The following RSF1 variants were observed in gnomAD, a reference collection of about 807,000 sequenced individuals.
RSF1 encodes the protein HBV pX-associated protein 8.
RSF1 carries 13 observed loss-of-function variants against 145.2 expected under a neutral mutation model. The ratio of observed to expected loss-of-function variants is 0.09; its 90% CI spans 0.06 to 0.14. The LOEUF (loss-of-function observed/expected upper bound fraction) is 0.14, where lower values mean the gene tolerates loss of function less well. RSF1 is among the 10% of genes least tolerant of loss of function. The pLI, the probability that RSF1 is intolerant of heterozygous loss-of-function variation, is 1.00. For synonymous variants in RSF1, 577 were observed against 592.6 expected (o/e 0.97, Z 0.38); for missense variants, 1,517 against 1,718.2 (o/e 0.88, Z 2.07).
At chr11:77,670,989 C>T in intron 15 of RSF1, among the ~76,000 whole-genome samples, 1 of 148,988 alleles carries the variant, frequency 6.7e-6, no homozygotes, top group African/African-American at 2.5e-5. Context: ...TGCCTAAAAT[C>T]CTAGCTATTG....
chr11:77,823,296 GT>G (rs1949016299), upstream of RSF1, among the ~76,000 whole-genome samples: 1 of 150,390 alleles, frequency 6.6e-6, no homozygotes, highest in South Asian at 2.1e-4. Flanking sequence ...TGCCAAAGAA[GT>G]TTTAATTTAA....
rs1960429123 is a variant in RSF1 at position 77,701,724 on chromosome 11, A to G, written c.1505T>C (p.Leu502Pro). Residue 502 changes from leucine to proline, a missense_variant, in exon 6 of 16, where the codon CTT (leucine) becomes CCT (proline). Physicochemically the swap from Leu to Pro is moderately conservative, Grantham distance 98. Coordinates refer to ENST00000308488, the MANE Select transcript of RSF1 (RefSeq NM_016578.4). ...CCTCAAAGGGGCTGTTTCTTTCTCA[A>G]GCTCACCTGTTTTCATACTTGTTAT... is the stretch of plus-strand genomic sequence containing the variant. The part of the protein sequence containing the change: ...SVITSMKTGE[L>P]EKETAPLRKD... 2 of 1,613,576 alleles carry G rather than the reference A, an allele frequency of 1.2e-6. No homozygotes were observed. Among genetic ancestry groups the G allele is most frequent in the Non-Finnish European group, 1.7e-6 (2 of 1,179,954 alleles).
intron 15 of RSF1, 56 bp downstream of exon 15, chr11:77,671,986 T>C: frequency 1.4e-6 from 2 of 1,422,952 alleles, no homozygotes; most frequent in Non-Finnish European, 1.9e-6. Flanking sequence ...GAGTTCACTT[T>C]ATAATGTCTA....
chr11:77,844,291 T>A, the RSF1 span, among the ~76,000 whole-genome samples: 3 of 152,180 alleles, frequency 2.0e-5, no homozygotes, highest in African/African-American at 7.2e-5. Flanking sequence ...GATTAGAGTT[T>A]CAATATATAC....
At chr11:77,844,722 C>G in the RSF1 span, among the ~76,000 whole-genome samples, 2 of 152,008 alleles carry the variant, frequency 1.3e-5, no homozygotes, top group Non-Finnish European at 2.9e-5. Flanking sequence ...TTTCCAGAGG[C>G]TTTAGGGATT....
rs528804251 is a variant in RSF1, at chr11:77,661,165, T to C, written c.*5752A>G. ...TAGTTTTTTCCTTCTTTTATATGAA[T>C]AGATTAAAATCAAGCCCTGCTCTAC... On this transcript the variant is annotated 3_prime_UTR_variant, in exon 16 of 16. Coordinates refer to ENST00000308488, the MANE Select transcript of RSF1 (RefSeq NM_016578.4). 12 of 152,260 alleles carry C rather than the reference T, an allele frequency of 7.9e-5. No homozygotes were observed. Among genetic ancestry groups the C allele is most frequent in the African/African-American group, 1.4e-4 (6 of 41,566 alleles). 9.4% of individuals were successfully genotyped at this position (152,260 alleles called of 1,614,324 possible).
chr11:77,775,940 T>C (rs76928285), intron 1 of RSF1, among the ~76,000 whole-genome samples: 4,297 of 152,270 alleles, frequency 0.028, 192 homozygotes, highest in African/African-American at 0.098. Context: ...GCTTGACTAA[T>C]TTTTAAATTT....
At chr11:77,794,598 G>C (rs563435485) in intron 1 of RSF1, among the ~76,000 whole-genome samples, 1 of 151,320 alleles carries the variant, frequency 6.6e-6, no homozygotes, top group African/African-American at 2.4e-5. Context: ...ACAACCACCG[G>C]GTCAATGAAG....
intron 1 of RSF1, among the ~76,000 whole-genome samples, chr11:77,797,884 T>C (rs1046706717): frequency 7.2e-5 from 11 of 152,196 alleles, no homozygotes; most frequent in Non-Finnish European, 1.0e-4. Flanking sequence ...AAGACATTTA[T>C]GCAGCCACAG....
chr11:77,865,435 T>C, the RSF1 span, among the ~76,000 whole-genome samples: 2 of 152,222 alleles, frequency 1.3e-5, no homozygotes, highest in African/African-American at 4.8e-5. Context: ...GTTGTAGGCA[T>C]GGCAGGGCTC....
chr11:77,757,606 A>G (rs570774912), intron 2 of RSF1, among the ~76,000 whole-genome samples: 4 of 152,324 alleles, frequency 2.6e-5, no homozygotes, highest in Admixed American at 6.5e-5. Flanking sequence ...TGAACCCGGG[A>G]AGCGGAGGTT....
the RSF1 span, among the ~76,000 whole-genome samples, chr11:77,848,014 G>T: frequency 6.6e-6 from 1 of 152,140 alleles, no homozygotes; most frequent in Non-Finnish European, 1.5e-5. Context: ...GCCCTCAATG[G>T]ATTGGATGAT....
chr11:77,849,749 C>T, the RSF1 span, among the ~76,000 whole-genome samples: 2 of 152,124 alleles, frequency 1.3e-5, no homozygotes, highest in Non-Finnish European at 2.9e-5. Context: ...TTTTATCTTC[C>T]AAACCTGTCA....
At chr11:77,739,619 A>C (rs1462987793) in intron 4 of RSF1, 1 of 152,224 alleles carries the variant, frequency 6.6e-6, no homozygotes, top group Non-Finnish European at 1.5e-5. Flanking sequence ...ATAATCACTA[A>C]GAGAAATCTG....
chr11:77,850,032 CA>C, the RSF1 span, among the ~76,000 whole-genome samples: 1 of 152,198 alleles, frequency 6.6e-6, no homozygotes. Context: ...GCATTTAACA[CA>C]GTGCCAGTAA....
intron 7 of RSF1, among the ~76,000 whole-genome samples, chr11:77,694,587 G>C (rs1399327782): frequency 2.0e-5 from 3 of 152,018 alleles, no homozygotes; most frequent in East Asian, 1.9e-4. Flanking sequence ...GTTTCAAGAT[G>C]GTACAAAGTT....
chr11:77,868,660 ACAGTC>A, the RSF1 span: 1 of 157,262 alleles, frequency 6.4e-6, no homozygotes, highest in African/African-American at 2.4e-5. Context: ...TTTTTAATGT[ACAGTC>A]CAGAGGTTTT....
chr11:77,864,578 A>G, the RSF1 span, among the ~76,000 whole-genome samples: 1 of 152,264 alleles, frequency 6.6e-6, no homozygotes, highest in Non-Finnish European at 1.5e-5. Context: ...AAACTCAGTG[A>G]GTCAAAGGTT....
At chr11:77,743,913 T>TA (rs1300836375) in intron 3 of RSF1, among the ~76,000 whole-genome samples, 6 of 152,248 alleles carry the variant, frequency 3.9e-5, no homozygotes, top group Non-Finnish European at 1.5e-5. Context: ...TGAGAGTTTT[T>TA]ATCATGAAAG....
Sources: allele counts gnomAD v4.1 joint callset (sites outside exome capture counted in the v4.1 genomes callset), GRCh38; gene constraint gnomAD v4.1.1; transcripts MANE v1.5; gene names NCBI Gene and HGNC (gene_info 2026-07-23, HGNC 2026-07-21).